Variants in CDYL2 observed in about 807,000 individuals in gnomAD.
CDYL2 encodes the protein chromodomain Y like 2.
A neutral mutation model predicts 49.4 loss-of-function variants in CDYL2; 23 were observed. The ratio of observed to expected loss-of-function variants is 0.47; its 90% CI spans 0.34 to 0.66. The LOEUF is 0.66. Ranked by LOEUF, CDYL2 falls within the 30% of genes least tolerant of loss-of-function variation. CDYL2 has a pLI of 0.01. For missense variants in CDYL2, 678 were observed against 656.4 expected (o/e 1.03, Z -0.36); for synonymous variants, 360 against 268.8 (o/e 1.34, Z -3.32).
chr16:80,798,023 T>A (rs1189288341), intron 1 of CDYL2, among the ~76,000 whole-genome samples: 1 of 152,166 alleles, frequency 6.6e-6, no homozygotes, highest in Non-Finnish European at 1.5e-5. Flanking sequence ...TGTTTTGTTG[T>A]TGTTGTTGTT....
At chr16:80,741,659 AAC>A (rs998712027) in intron 1 of CDYL2, among the ~76,000 whole-genome samples, 1 of 152,236 alleles carries the variant, frequency 6.6e-6, no homozygotes, top group Non-Finnish European at 1.5e-5. Flanking sequence ...TTAAACAAAC[AAC>A]AGATATTTAA....
chr16:80,800,435 C>G (rs1486902241), intron 1 of CDYL2, among the ~76,000 whole-genome samples: 1 of 152,144 alleles, frequency 6.6e-6, no homozygotes, highest in African/African-American at 2.4e-5. Context: ...AGCGGTCTGC[C>G]TCAATCCTGT....
chr16:80,655,763 G>A (rs1908781308), intron 2 of CDYL2, among the ~76,000 whole-genome samples: 1 of 152,172 alleles, frequency 6.6e-6, no homozygotes, highest in Non-Finnish European at 1.5e-5. Flanking sequence ...TGCAATTCTG[G>A]ATGCGGGTGG....
At chr16:80,668,944 T>G (rs1317414017) in intron 2 of CDYL2, among the ~76,000 whole-genome samples, 1 of 152,002 alleles carries the variant, frequency 6.6e-6, no homozygotes, top group East Asian at 1.9e-4. Flanking sequence ...TAAATGCTTA[T>G]ATTTTCCATA....
intron 1 of CDYL2, among the ~76,000 whole-genome samples, chr16:80,701,800 C>T (rs961912904): frequency 6.6e-6 from 1 of 152,138 alleles, no homozygotes; most frequent in Admixed American, 6.5e-5. Context: ...AAATGGTTCT[C>T]AAGTACCTTT....
intron 1 of CDYL2, among the ~76,000 whole-genome samples, chr16:80,705,677 G>T (rs920724185): frequency 6.6e-6 from 1 of 152,224 alleles, no homozygotes; most frequent in Non-Finnish European, 1.5e-5. Flanking sequence ...GGCCCAGATG[G>T]TAAATATTTT....
intron 1 of CDYL2, among the ~76,000 whole-genome samples, chr16:80,762,420 T>C (rs1354453255): frequency 6.6e-6 from 1 of 152,096 alleles, no homozygotes; most frequent in African/African-American, 2.4e-5. Flanking sequence ...CTACAGTCCA[T>C]ACAAGCAGCA....
intron 1 of CDYL2, among the ~76,000 whole-genome samples, chr16:80,705,732 G>GTT: frequency 6.6e-6 from 1 of 152,366 alleles, no homozygotes; most frequent in African/African-American, 2.4e-5. Context: ...ACTCAAATCT[G>GTT]CCCTTGTCAT....
At chr16:80,765,028 C>A (rs1473702288) in intron 1 of CDYL2, among the ~76,000 whole-genome samples, 1 of 145,880 alleles carries the variant, frequency 6.9e-6, no homozygotes, top group African/African-American at 2.5e-5. Flanking sequence ...CCACTGCACT[C>A]CAGCCTGGGT....
At chr16:80,774,492 G>T (rs1907015261) in intron 1 of CDYL2, among the ~76,000 whole-genome samples, 1 of 151,972 alleles carries the variant, frequency 6.6e-6, no homozygotes, top group Admixed American at 6.6e-5. Context: ...ACTGCACTGT[G>T]ACCACTGTTA....
chr16:80,727,072 A>G (rs1905187052), intron 1 of CDYL2, among the ~76,000 whole-genome samples: 1 of 152,210 alleles, frequency 6.6e-6, no homozygotes, highest in African/African-American at 2.4e-5. Context: ...ACAATCTCAA[A>G]AAGAAAAAAA....
chr16:80,712,185 G>GTATATATATATATATATA (rs1032871818), intron 1 of CDYL2, among the ~76,000 whole-genome samples: 1 of 15,586 alleles, frequency 6.4e-5, no homozygotes, highest in East Asian at 1.5e-3. Flanking sequence ...CTTTGTGTCT[G>GTATATATATATATATATA]TGTGTGTATA....
chr16:80,612,785 G>A lies in CDYL2; in HGVS notation c.1059C>T (p.Ile353=), dbSNP rs1369927576. The change falls in exon 5 of 7, where the codon ATC becomes ATT. Residue 353 remains isoleucine, a synonymous_variant. Coordinates refer to ENST00000570137, the MANE Select transcript of CDYL2 (RefSeq NM_152342.4). The surrounding 1 kb of genome is among the most constrained non-coding windows in gnomAD (Gnocchi z 5.0). The part of the protein sequence containing the change: ...IQFKKPIVVA[I]NGPALGLGAS... The stretch of plus-strand genomic sequence containing the variant: ...CACCCAGGCCCAGGGCCGGCCCATT[G>A]ATGGCCACCACGATAGGCTTCTTAA... 4.3e-6 allele frequency: 7 copies of A among 1,613,802 alleles called. No individual in the cohort carries two copies. In the African/African-American group the frequency reaches 8.0e-5, roughly 18 times the overall value.
chr16:80,655,593 G>A (rs1567557911), intron 2 of CDYL2, among the ~76,000 whole-genome samples: 1 of 152,138 alleles, frequency 6.6e-6, no homozygotes, highest in Non-Finnish European at 1.5e-5. Context: ...AGGGCCCTGA[G>A]GCCATCTTAC....
At chr16:80,758,445 A>C (rs1906390044) in intron 1 of CDYL2, among the ~76,000 whole-genome samples, 1 of 152,140 alleles carries the variant, frequency 6.6e-6, no homozygotes, top group Admixed American at 6.5e-5. Flanking sequence ...CAAAATCCCA[A>C]ATGTGTACAA....
At chr16:80,662,565 T>C (rs953557997) in intron 2 of CDYL2, among the ~76,000 whole-genome samples, 1 of 152,106 alleles carries the variant, frequency 6.6e-6, no homozygotes, top group African/African-American at 2.4e-5. Flanking sequence ...GCACCTGGGG[T>C]ATACGGATGG....
chr16:80,717,715 T>C (rs556183708), intron 1 of CDYL2, among the ~76,000 whole-genome samples: 2 of 152,160 alleles, frequency 1.3e-5, no homozygotes, highest in African/African-American at 2.4e-5. Context: ...CCTTGGGAAG[T>C]TGGCCAGGAT....
chr16:80,744,119 G>C (rs574683616), intron 1 of CDYL2, among the ~76,000 whole-genome samples: 2 of 152,172 alleles, frequency 1.3e-5, no homozygotes, highest in African/African-American at 4.8e-5. Flanking sequence ...GAAGCACAGA[G>C]AAGTTAGAGC....
chr16:80,707,041 G>T (rs1410529182), intron 1 of CDYL2, among the ~76,000 whole-genome samples: 1 of 152,144 alleles, frequency 6.6e-6, no homozygotes, highest in Non-Finnish European at 1.5e-5. Flanking sequence ...CTCAGAGCAT[G>T]GGGGTGCAGT....
Sources: gnomAD v4.1 joint callset for allele counts (sites outside exome capture counted in the v4.1 genomes callset) on GRCh38, gnomAD v4.1.1 for gene constraint, Gnocchi (gnomAD v3.1) non-coding constraint, MANE v1.5 for transcripts, NCBI Gene and HGNC (gene_info 2026-07-23, HGNC 2026-07-21) for gene names.